The following NFIC variants were observed in gnomAD, a reference collection of about 807,000 sequenced individuals.
The protein encoded by NFIC is nuclear factor 1 C-type.
In NFIC, 12 loss-of-function variants were observed where a neutral mutation model predicts 54.4. The ratio of observed to expected loss-of-function variants is 0.22; its 90% CI spans 0.14 to 0.36. The LOEUF (loss-of-function observed/expected upper bound fraction) is 0.36. NFIC is among the 10% of genes least tolerant of loss of function. The pLI is 1.00. For missense variants in NFIC, 575 were observed against 718.2 expected (o/e 0.80, Z 2.28); for synonymous variants, 322 against 319.2 (o/e 1.01, Z -0.09).
intron 2 of NFIC, among the ~76,000 whole-genome samples, chr19:3,405,150 C>A (rs1000133053): frequency 6.6e-6 from 1 of 152,176 alleles, no homozygotes; most frequent in African/African-American, 2.4e-5. Context: ...GGCGGCCCGG[C>A]GGCAGGGGAG....
In NFIC at chr19:3,463,076, C is replaced by T. The variant is rs778328843; in HGVS notation, c.*307C>T. ...GGACTGGAGGGCCAGGCCCCGCCACCCCCACGGGAGACCCGGGACAGGGCG... is the reference window on the plus strand; with the variant it reads ...GGACTGGAGGGCCAGGCCCCGCCACTCCCACGGGAGACCCGGGACAGGGCG... On this transcript the variant is annotated 3_prime_UTR_variant, in exon 11 of 11. Transcript: ENST00000443272. The T allele has an allele frequency of 5.7e-4, 751 of 1,310,606 alleles. 2 individuals are homozygous for T. The highest frequency in any genetic ancestry group is 4.0e-4 in the Non-Finnish European group (414 of 1,031,108). 81.2% of individuals were successfully genotyped at this position (1,310,606 alleles called of 1,614,324 possible). A position where few individuals can be genotyped will look rare whatever the true frequency, so the allele number is the denominator to read the frequency against.
intron 2 of NFIC, among the ~76,000 whole-genome samples, chr19:3,390,476 C>T (rs1307931063): frequency 1.3e-5 from 2 of 152,156 alleles, no homozygotes; most frequent in East Asian, 1.9e-4. Context: ...GTTGTGCAGC[C>T]GGGAGGCCCA....
chr19:3,360,922 G>A (rs1568390384), intron 1 of NFIC, among the ~76,000 whole-genome samples: 1 of 152,214 alleles, frequency 6.6e-6, no homozygotes, highest in Non-Finnish European at 1.5e-5. Context: ...CTGTGTGCGA[G>A]TGACTGGCGC....
intron 3 of NFIC, among the ~76,000 whole-genome samples, chr19:3,426,034 A>G (rs1391042705): frequency 7.1e-6 from 1 of 140,820 alleles, no homozygotes; most frequent in African/African-American, 2.7e-5. Flanking sequence ...TCCTGGGTTC[A>G]AGCAACTCTC....
chr19:3,462,774 G>A lies in NFIC; in HGVS notation c.*5G>A. ...CAGTCCTGGTATCTGGGATAGCAAA[G>A]GTCTTCTTCCCTCGCCCCTTCTCCA... On this transcript the variant is annotated 3_prime_UTR_variant, in exon 11 of 11. Coordinates refer to ENST00000443272, the MANE Select transcript of NFIC (RefSeq NM_001245002.2). The A allele has an allele frequency of 1.2e-6, 2 of 1,613,650 alleles. No individual in the cohort carries two copies. Among genetic ancestry groups the A allele is most frequent in the Non-Finnish European group, 1.7e-6 (2 of 1,179,836 alleles).
Position 3,453,900 on chromosome 19 carries a change from G to GTCGCCGACC in NFIC, c.1413_1421dup (p.Thr472_Pro474dup). ...CCACCACCTCCGAGGGAGGAGCCAC[G>GTCGCCGACC]TCGCCGACCTCGCCTTGTAAGCACG... On this transcript the variant is annotated inframe_insertion, in exon 9 of 11. Coordinates refer to ENST00000443272, the MANE Select transcript of NFIC (RefSeq NM_001245002.2). The surrounding 1 kb of genome is among the most constrained non-coding windows in gnomAD (Gnocchi z 6.7). 6.5e-7 allele frequency: 1 copy of GTCGCCGACC among 1,546,856 alleles called. No individual in the cohort carries two copies. The highest frequency in any genetic ancestry group is 8.7e-7 in the Non-Finnish European group (1 of 1,147,388).
rs184700708 is a variant in NFIC, at chr19:3,375,711, C to T, written c.31-6001C>T. 6.6e-6 allele frequency among the ~76,000 whole-genome samples: 1 copy of T among 152,304 alleles called. No individual in the cohort carries two copies. The highest frequency in any genetic ancestry group is 1.9e-4 in the East Asian group (1 of 5,176). On this transcript the variant is annotated intron_variant, in intron 1 of 10. Coordinates refer to ENST00000443272, the MANE Select transcript of NFIC (RefSeq NM_001245002.2). The surrounding 1 kb of genome is among the most constrained non-coding windows in gnomAD (Gnocchi z 4.6). ...TGGGTGGGGAGGCTATTTTCAGAGC[C>T]TCAGTAATAGGTGAAATCTGATGTC...
intron 9 of NFIC, chr19:3,454,126 C>T (rs562155847): frequency 1.6e-5 from 22 of 1,346,850 alleles, no homozygotes; most frequent in Non-Finnish European, 2.0e-5. Flanking sequence ...AAGCCTCGGG[C>T]CAGGGTGAGA....
rs1599650349 is a variant in NFIC, at chr19:3,417,668, C to T, written c.563-7438C>T. Among the ~76,000 whole-genome samples the T allele has an allele frequency of 1.0e-4, 15 of 149,072 alleles. No individual in the cohort carries two copies. The South Asian group carries it at 3.2e-3, about 32-fold the overall frequency. On this transcript the variant is annotated intron_variant, in intron 2 of 10. Coordinates refer to ENST00000443272, the MANE Select transcript of NFIC (RefSeq NM_001245002.2). Reference sequence around the variant, plus strand: ...TGAGATGGAGTCTCGCTCTGTCGCCCAGGCTGGAGTGCAGTGGCGCAATCT... The same window carrying T: ...TGAGATGGAGTCTCGCTCTGTCGCCTAGGCTGGAGTGCAGTGGCGCAATCT...
Position 3,369,576 on chromosome 19 carries a change from G to C in NFIC, c.30+2910G>C, listed in dbSNP as rs1463161941. On this transcript the variant is annotated intron_variant, in intron 1 of 10. Transcript: ENST00000443272. This position sits in a 1 kb window ranked among gnomAD's most constrained non-coding sequence, Gnocchi z 4.3. The stretch of plus-strand genomic sequence containing the variant: ...CCACCCGGGCCCGGCCCGCCGAGTG[G>C]GGAGTGGGTGCTGGCGGCCCTGGGG... Among the ~76,000 whole-genome samples, 1 of 152,210 alleles carries C rather than the reference G, an allele frequency of 6.6e-6. No individual in the cohort carries two copies. Among genetic ancestry groups the C allele is most frequent in the African/African-American group, 2.4e-5 (1 of 41,460 alleles).
At chr19:3,388,425 T>C (rs1015299149) in intron 2 of NFIC, among the ~76,000 whole-genome samples, 1 of 152,130 alleles carries the variant, frequency 6.6e-6, no homozygotes, top group Non-Finnish European at 1.5e-5. Context: ...TCTCGTGTTC[T>C]AGTGGAGGAA....
Position 3,370,697 on chromosome 19 carries a change from T to TCTCC in NFIC, c.30+4034_30+4035insCCTC, listed in dbSNP as rs72041178. Among the ~76,000 whole-genome samples the TCTCC allele has an allele frequency of 1.7e-4, 1 of 5,922 alleles. No homozygotes were observed. Among genetic ancestry groups the TCTCC allele is most frequent in the Non-Finnish European group, 4.6e-4 (1 of 2,152 alleles). 3.9% of individuals were successfully genotyped at this position (5,922 alleles called of 152,430 possible). A position where few individuals can be genotyped will look rare whatever the true frequency, so the allele number is the denominator to read the frequency against. ...TGTTCCTCTTCTTTCTCTCTGTCTG[T>TCTCC]CTCTTTCTTTCTCCCTCCCTTCCTC... On this transcript the variant is annotated intron_variant, in intron 1 of 10. Coordinates refer to ENST00000443272, the MANE Select transcript of NFIC (RefSeq NM_001245002.2). The surrounding 1 kb of genome is among the most constrained non-coding windows in gnomAD (Gnocchi z 5.2).
intron 5 of NFIC, 89 bp from the exon 6 acceptor site, chr19:3,434,994 T>G (rs1599682965): frequency 6.9e-7 from 1 of 1,455,270 alleles, no homozygotes; most frequent in East Asian, 2.6e-5. Flanking sequence ...CCCCGCTCAC[T>G]TAAGGACCGG....
intron 5 of NFIC, 169 bp from the exon 6 acceptor site, chr19:3,434,914 A>ACAGG: frequency 2.3e-6 from 2 of 873,646 alleles, no homozygotes; most frequent in South Asian, 3.6e-5. Context: ...ACAGGTTGGA[A>ACAGG]CAGGCGTTCG....
At chr19:3,366,694 G>T (rs746168651) in intron 1 of NFIC, 28 bp downstream of exon 1, 1 of 1,354,840 alleles carries the variant, frequency 7.4e-7, no homozygotes, top group East Asian at 2.8e-5. Context: ...CCCCCCGCCG[G>T]CGCCCCCGCG....
chr19:3,362,437 G>A (rs563056781), upstream of NFIC, among the ~76,000 whole-genome samples: 16 of 151,782 alleles, frequency 1.1e-4, 1 homozygote, highest in South Asian at 1.3e-3. Flanking sequence ...GTCTCTGCTC[G>A]CCCCTCTTTG....
chr19:3,391,908 T>C (rs750754846), intron 2 of NFIC, among the ~76,000 whole-genome samples: 1 of 152,078 alleles, frequency 6.6e-6, no homozygotes, highest in African/African-American at 2.4e-5. Context: ...GTAGTTATTA[T>C]TGTCGTTATC....
chr19:3,387,213 G>A (rs2081310647), intron 2 of NFIC, among the ~76,000 whole-genome samples: 1 of 152,198 alleles, frequency 6.6e-6, no homozygotes, highest in Admixed American at 6.5e-5. Context: ...TCACAAGTGA[G>A]AGAGGAGGCC....
intron 2 of NFIC, among the ~76,000 whole-genome samples, chr19:3,409,621 G>A (rs572328496): frequency 1.3e-5 from 2 of 149,670 alleles, no homozygotes; most frequent in South Asian, 4.4e-4. Flanking sequence ...GACGCAGGGA[G>A]TTGTCCCTTG....
Sources: gnomAD v4.1 joint callset for allele counts (sites outside exome capture counted in the v4.1 genomes callset) on GRCh38, gnomAD v4.1.1 for gene constraint, Gnocchi (gnomAD v3.1) non-coding constraint, MANE v1.5 for transcripts, NCBI Gene and HGNC (gene_info 2026-07-23, HGNC 2026-07-21) for gene names.